Variants in TF observed in about 807,000 individuals in gnomAD.
TF encodes the protein serotransferrin.
A neutral mutation model predicts 82.4 loss-of-function variants in TF; 55 were observed. The ratio of observed to expected loss-of-function variants is 0.67; its 90% CI spans 0.54 to 0.84. The LOEUF is 0.84. Among genes scored for constraint, TF ranks in the 40% least tolerant of loss-of-function variants. TF has a pLI of 0.00. For synonymous variants in TF, 332 were observed against 332.6 expected, an observed-to-expected ratio of 1.00 and a Z score of 0.02; for missense variants, 737 against 868.4, an observed-to-expected ratio of 0.85 and a Z score of 1.90.
At chr3:133,751,477 C>T (rs889173098) in intron 2 of TF, among the ~76,000 whole-genome samples, 1 of 151,954 alleles carries the variant, frequency 6.6e-6, no homozygotes, top group Non-Finnish European at 1.5e-5. Context: ...GTGATCCGCC[C>T]GTCTCGGCCT....
the TF span, among the ~76,000 whole-genome samples, chr3:133,684,928 T>C: frequency 2.0e-5 from 3 of 152,192 alleles, no homozygotes; most frequent in Non-Finnish European, 2.9e-5. Flanking sequence ...CCAATATCCC[T>C]GATGAACATC....
rs779715731 is a variant in TF, at chr3:133,753,712, T to TC, written c.325+12dup. ...CTATGGGTCAAAAGAGGGTAAGTTC[T>TC]CCCTGGGACCCCAGGAAGGAGTTGT... On this transcript the variant is annotated intron_variant, in intron 3 of 16. Coordinates refer to ENST00000402696, the MANE Select transcript of TF (RefSeq NM_001063.4). 6.2e-7 allele frequency: 1 copy of TC among 1,606,216 alleles called. No homozygotes were observed. The highest frequency in any genetic ancestry group is 8.5e-7 in the Non-Finnish European group (1 of 1,172,762).
At chr3:133,663,186 C>T in the TF span, among the ~76,000 whole-genome samples, 5 of 152,050 alleles carry the variant, frequency 3.3e-5, no homozygotes, top group African/African-American at 1.2e-4. Flanking sequence ...TCCAGTGACC[C>T]CAAGCTTTTT....
At chr3:133,723,229 A>C in the TF span, among the ~76,000 whole-genome samples, 1 of 152,144 alleles carries the variant, frequency 6.6e-6, no homozygotes. Context: ...GACTTTTGAC[A>C]GTTTGATTAT....
intron 14 of TF, among the ~76,000 whole-genome samples, chr3:133,771,227 T>C (rs1016771974): frequency 2.0e-5 from 3 of 152,180 alleles, no homozygotes; most frequent in Admixed American, 2.0e-4. Context: ...AAGAACCAAT[T>C]TGAAGGATCT....
At chr3:133,710,908 C>A in the TF span, among the ~76,000 whole-genome samples, 1 of 152,192 alleles carries the variant, frequency 6.6e-6, no homozygotes, top group Non-Finnish European at 1.5e-5. Flanking sequence ...CAACTCCCTG[C>A]CGCCTGGCTC....
chr3:133,775,740 C>A (rs1274862507), intron 15 of TF, 123 bp downstream of exon 15: 5 of 987,016 alleles, frequency 5.1e-6, no homozygotes, highest in African/African-American at 1.6e-5. Flanking sequence ...GAATTCCATG[C>A]ATTGTGCATT....
the TF span, among the ~76,000 whole-genome samples, chr3:133,667,043 G>GA: frequency 6.7e-3 from 908 of 136,134 alleles, 10 homozygotes; most frequent in African/African-American, 0.017. Flanking sequence ...CTCAGAAAAA[G>GA]AAAAAAAAAA....
At chr3:133,754,011 C>A in intron 3 of TF, 1 of 501,926 alleles carries the variant, frequency 2.0e-6, no homozygotes, top group Non-Finnish European at 3.6e-6. Flanking sequence ...TGTCTAGGGT[C>A]CCTGGAGGCC....
chr3:133,740,927 TA>T, the TF span, among the ~76,000 whole-genome samples: 1 of 110,118 alleles, frequency 9.1e-6, no homozygotes, highest in Non-Finnish European at 1.8e-5. Flanking sequence ...TTTTTTTTTT[TA>T]ATTTGAGTAT....
At chr3:133,771,134 A>G (rs1934247818) in intron 14 of TF, among the ~76,000 whole-genome samples, 1 of 152,200 alleles carries the variant, frequency 6.6e-6, no homozygotes, top group Non-Finnish European at 1.5e-5. Flanking sequence ...AGCTGACTTC[A>G]GGGCTGGGGC....
At position 133,783,476 on chromosome 3, in the gene TF, T is replaced by C. The variant is rs1305621877; in HGVS notation, c.*4856T>C. 3 of 152,346 alleles carry C rather than the reference T, an allele frequency of 2.0e-5. No homozygotes were observed. Among genetic ancestry groups the C allele is most frequent in the Non-Finnish European group, 4.4e-5 (3 of 68,026 alleles). The allele number at this position is 152,346 out of a possible 1,614,324, so 9.4% of individuals were successfully genotyped here. ...TTCGAAACGTATAAAGGTTTAAATA[T>C]AAAATTAAAATCGTAAAAACAATTA... is the stretch of plus-strand genomic sequence containing the variant. On this transcript the variant is annotated 3_prime_UTR_variant, in exon 17 of 17. Coordinates refer to ENST00000402696, the MANE Select transcript of TF (RefSeq NM_001063.4).
intron 2 of TF, chr3:133,748,816 G>C: frequency 3.5e-6 from 2 of 564,622 alleles, no homozygotes; most frequent in Admixed American, 6.1e-5. Context: ...AGACGCAAGG[G>C]TGACTGTTTT....
chr3:133,766,557 A>C lies in TF; in HGVS notation c.1486+124A>C, dbSNP rs1934132438. ...GGTTCTAGAGAAGTAGAATTTGGTC[A>C]AAGAACAGTAGAATTTGCTGTCCTC... On this transcript the variant is annotated intron_variant, in intron 12 of 16. Transcript: ENST00000402696. 3 of 1,340,410 alleles carry C rather than the reference A, an allele frequency of 2.2e-6. No homozygotes were observed. The Admixed American group carries it at 5.5e-5, about 25-fold the overall frequency. 83.0% of individuals were successfully genotyped at this position (1,340,410 alleles called of 1,614,324 possible). A position where few individuals can be genotyped will look rare whatever the true frequency, so the allele number is the denominator to read the frequency against.
chr3:133,787,455 A>T lies in TF; in HGVS notation c.*8835A>T, dbSNP rs2107947920. 1 of 152,358 alleles carries T rather than the reference A, an allele frequency of 6.6e-6. No homozygotes were observed. Among genetic ancestry groups the T allele is most frequent in the Admixed American group, 6.5e-5 (1 of 15,310 alleles). 9.4% of individuals were successfully genotyped at this position (152,358 alleles called of 1,614,324 possible). A position where few individuals can be genotyped will look rare whatever the true frequency, so the allele number is the denominator to read the frequency against. ...ACTGATACATGTGCAATTTTATTTT[A>T]CAGTGCTATGTACACAGTGGAAAGT... On this transcript the variant is annotated 3_prime_UTR_variant, in exon 17 of 17. Transcript: ENST00000402696.
At chr3:133,752,815 A>G (rs1345098250) in intron 2 of TF, among the ~76,000 whole-genome samples, 1 of 152,200 alleles carries the variant, frequency 6.6e-6, no homozygotes, top group Non-Finnish European at 1.5e-5. Flanking sequence ...GCTGAGAGAG[A>G]AAGAGAGATG....
At chr3:133,667,724 G>A in the TF span, among the ~76,000 whole-genome samples, 1 of 152,152 alleles carries the variant, frequency 6.6e-6, no homozygotes, top group Admixed American at 6.5e-5. Context: ...CAACTTATCT[G>A]AGCCCTGGCA....
rs747151649 is a variant in TF, at chr3:133,777,250, G to A, written c.2062+12G>A. On this transcript the variant is annotated intron_variant, in intron 16 of 16. Transcript: ENST00000402696. Reference sequence around the variant, plus strand: ...ATGCTCCACCTCATGTGAGTAGGAGGAACAGCATGGGGAAGTGGCAACCAA... The same window carrying A: ...ATGCTCCACCTCATGTGAGTAGGAGAAACAGCATGGGGAAGTGGCAACCAA... 1.2e-6 allele frequency: 2 copies of A among 1,609,548 alleles called. No individual in the cohort carries two copies. Among genetic ancestry groups the A allele is most frequent in the African/African-American group, 1.3e-5 (1 of 74,904 alleles).
chr3:133,711,542 G>A, the TF span, among the ~76,000 whole-genome samples: 6 of 152,006 alleles, frequency 3.9e-5, no homozygotes, highest in Non-Finnish European at 8.8e-5. Flanking sequence ...CTCATCCTCC[G>A]CATAGCCATC....
Sources: allele counts gnomAD v4.1 joint callset (sites outside exome capture counted in the v4.1 genomes callset), GRCh38; gene constraint gnomAD v4.1.1; transcripts MANE v1.5; gene names NCBI Gene and HGNC (gene_info 2026-07-23, HGNC 2026-07-21).